SLC6A6: variants seen among roughly 807,000 people sequenced by gnomAD.
The protein encoded by SLC6A6 is sodium- and chloride-dependent taurine transporter.
A neutral mutation model predicts 68.8 loss-of-function variants in SLC6A6; 16 were observed. That is an observed-to-expected ratio of 0.23 (90% confidence interval 0.16 to 0.35). The LOEUF is 0.35. Ranked by LOEUF, SLC6A6 falls within the 10% of genes least tolerant of loss-of-function variation. SLC6A6 has a pLI of 1.00. For missense variants in SLC6A6, 474 were observed against 802.8 expected (o/e 0.59, Z 4.95); for synonymous variants, 312 against 315.4 (o/e 0.99, Z 0.12).
At chr3:14,449,598 T>G (rs1700209584) in intron 5 of SLC6A6, among the ~76,000 whole-genome samples, 1 of 152,218 alleles carries the variant, frequency 6.6e-6, no homozygotes, top group Non-Finnish European at 1.5e-5. Context: ...CTTTGCCACT[T>G]CTAGCTTAGG....
At chr3:14,465,422 G>T (rs540720398) in intron 6 of SLC6A6, among the ~76,000 whole-genome samples, 1 of 152,164 alleles carries the variant, frequency 6.6e-6, no homozygotes, top group Non-Finnish European at 1.5e-5. Context: ...AAGGGCCTTT[G>T]AGAGGCCTCA....
At chr3:14,461,263 A>G (rs1700487494) in intron 6 of SLC6A6, among the ~76,000 whole-genome samples, 2 of 152,196 alleles carry the variant, frequency 1.3e-5, no homozygotes, top group African/African-American at 4.8e-5. Context: ...ATGTGCAGTT[A>G]TTAGTCCCAT....
At chr3:14,482,182 A>C (rs1418172680) in intron 14 of SLC6A6, among the ~76,000 whole-genome samples, 1 of 152,220 alleles carries the variant, frequency 6.6e-6, no homozygotes, top group Non-Finnish European at 1.5e-5. Flanking sequence ...TTGGATGCCA[A>C]GCTAAGAGCT....
chr3:14,408,484 G>A (rs1349367850), intron 1 of SLC6A6, among the ~76,000 whole-genome samples: 1 of 152,060 alleles, frequency 6.6e-6, no homozygotes, highest in Non-Finnish European at 1.5e-5. Flanking sequence ...ACCGGCACGT[G>A]CCATTATGCC....
intron 5 of SLC6A6, among the ~76,000 whole-genome samples, chr3:14,449,909 G>A (rs1358735346): frequency 6.6e-6 from 1 of 152,054 alleles, no homozygotes; most frequent in Non-Finnish European, 1.5e-5. Context: ...ACACCACTAT[G>A]TCCAGCTAAT....
At chr3:14,444,622 CTTG>C in intron 3 of SLC6A6, 1 of 412,166 alleles carries the variant, frequency 2.4e-6, no homozygotes, top group South Asian at 1.7e-5. Context: ...CTGGTGACTG[CTTG>C]TTGTCAAAGG....
chr3:14,430,840 A>G (rs935464118), intron 2 of SLC6A6, among the ~76,000 whole-genome samples: 7 of 152,126 alleles, frequency 4.6e-5, no homozygotes, highest in African/African-American at 1.7e-4. Flanking sequence ...TCCAGCTCTG[A>G]TGGGGCCGTC....
intron 2 of SLC6A6, among the ~76,000 whole-genome samples, chr3:14,421,098 G>A (rs4685157): frequency 0.63 from 95,706 of 152,156 alleles, 32,694 homozygotes; most frequent in East Asian, 0.96. Flanking sequence ...ACAGCCCTGG[G>A]GCATGGAGAT....
chr3:14,442,530 G>A (rs1459749490), intron 2 of SLC6A6, among the ~76,000 whole-genome samples: 5 of 152,214 alleles, frequency 3.3e-5, no homozygotes, highest in African/African-American at 7.2e-5. Context: ...GGTAACCCTT[G>A]TCAGTTCTCA....
chr3:14,475,567 C>T (rs1418561822), intron 10 of SLC6A6, among the ~76,000 whole-genome samples: 1 of 152,188 alleles, frequency 6.6e-6, no homozygotes, highest in African/African-American at 2.4e-5. Context: ...TGTTAAGCGA[C>T]GGAGGGCTGA....
chr3:14,479,074 GTC>G lies in SLC6A6; in HGVS notation c.1451-7_1451-6del. On this transcript the variant is annotated splice_polypyrimidine_tract_variant and intron_variant, in intron 12 of 14. Coordinates refer to ENST00000622186, the MANE Select transcript of SLC6A6 (RefSeq NM_003043.6). Reference sequence around the variant, plus strand: ...GCTGTGTCAGAAAATGTCCCCCTCTGTCTCTTGCAGGAGGTGATAACCTTTAT... The same window carrying G: ...GCTGTGTCAGAAAATGTCCCCCTCTGTCTTGCAGGAGGTGATAACCTTTAT... 3.8e-6 allele frequency: 6 copies of G among 1,587,836 alleles called. No individual in the cohort carries two copies. The highest frequency in any genetic ancestry group is 5.2e-6 in the Non-Finnish European group (6 of 1,156,152).
At chr3:14,445,910 T>C (rs1352705442) in intron 4 of SLC6A6, 59 bp downstream of exon 4, 2 of 1,578,878 alleles carry the variant, frequency 1.3e-6, no homozygotes, top group Non-Finnish European at 1.7e-6. Context: ...CACATTTTTA[T>C]TGAGCACCTA....
chr3:14,445,933 T>C lies in SLC6A6; in HGVS notation c.364+82T>C, dbSNP rs546580971. The C allele has an allele frequency of 4.9e-6, 7 of 1,435,080 alleles. No homozygotes were observed. The South Asian group carries it at 8.3e-5, about 17-fold the overall frequency. 88.9% of individuals were successfully genotyped at this position (1,435,080 alleles called of 1,614,324 possible). On this transcript the variant is annotated intron_variant, in intron 4 of 14. Transcript: ENST00000622186. ...TATTGAGCACCTATTGTCTGCCAGG[T>C]CCATTGGAGCCTCATGCACATCACT...
intron 2 of SLC6A6, among the ~76,000 whole-genome samples, chr3:14,425,903 A>G (rs1699585802): frequency 6.6e-6 from 1 of 152,190 alleles, no homozygotes; most frequent in African/African-American, 2.4e-5. Context: ...GTCAGTAGTT[A>G]GTAATCACGG....
rs1701245806 is a variant in SLC6A6, at chr3:14,488,729, G to A, written c.*3722G>A. 1 of 152,534 alleles carries A rather than the reference G, an allele frequency of 6.6e-6. No individual in the cohort carries two copies. 9.4% of individuals were successfully genotyped at this position (152,534 alleles called of 1,614,324 possible). A position where few individuals can be genotyped will look rare whatever the true frequency, so the allele number is the denominator to read the frequency against. ...CAAACTTGTAGAGGTGGGCAGTCCA[G>A]AAAGCAGGGGGCAGCCCTCCCCCTT... On this transcript the variant is annotated 3_prime_UTR_variant, in exon 15 of 15. Coordinates refer to ENST00000622186, the MANE Select transcript of SLC6A6 (RefSeq NM_003043.6).
chr3:14,440,326 GGA>G (rs1189859987), intron 2 of SLC6A6, among the ~76,000 whole-genome samples: 1 of 152,058 alleles, frequency 6.6e-6, no homozygotes, highest in Non-Finnish European at 1.5e-5. Context: ...CAGCTGGCAG[GGA>G]GCCAGGGGGC....
At chr3:14,404,362 A>G (rs998882369) in intron 1 of SLC6A6, among the ~76,000 whole-genome samples, 1 of 152,214 alleles carries the variant, frequency 6.6e-6, no homozygotes, top group South Asian at 2.1e-4. Context: ...GAGGAATTTC[A>G]TCAAGATGGT....
chr3:14,452,870 C>T (rs1011718967), intron 5 of SLC6A6, among the ~76,000 whole-genome samples: 4 of 152,330 alleles, frequency 2.6e-5, no homozygotes, highest in South Asian at 4.1e-4. Flanking sequence ...GGAGGACAGG[C>T]GGGGCCAGAC....
At chr3:14,408,135 G>C (rs1361884154) in intron 1 of SLC6A6, among the ~76,000 whole-genome samples, 1 of 152,130 alleles carries the variant, frequency 6.6e-6, no homozygotes, top group African/African-American at 2.4e-5. Context: ...TCTAGGACTA[G>C]AGCTGCTGGG....
Sources: allele counts gnomAD v4.1 joint callset (sites outside exome capture counted in the v4.1 genomes callset), GRCh38; gene constraint gnomAD v4.1.1; transcripts MANE v1.5; gene names NCBI Gene and HGNC (gene_info 2026-07-23, HGNC 2026-07-21).